Variants in NPEPPS observed in about 807,000 individuals in gnomAD.
The protein encoded by NPEPPS is puromycin-sensitive aminopeptidase.
In NPEPPS, 14 loss-of-function variants were observed where a neutral mutation model predicts 115.5. The observed-to-expected ratio is 0.12, with a 90% CI of 0.08 to 0.19. NPEPPS has a LOEUF of 0.19. Among genes scored for constraint, NPEPPS ranks in the 10% least tolerant of loss-of-function variants. The pLI, the probability that NPEPPS is intolerant of heterozygous loss-of-function variation, is 1.00. For synonymous variants in NPEPPS, 285 were observed against 390.6 expected, an observed-to-expected ratio of 0.73 and a Z score of 3.19; for missense variants, 523 against 1,110.8, an observed-to-expected ratio of 0.47 and a Z score of 7.52.
chr17:47,531,674 C>A (rs1443607700), intron 1 of NPEPPS, 119 bp downstream of exon 1: 3 of 1,237,294 alleles, frequency 2.4e-6, no homozygotes, highest in Non-Finnish European at 3.0e-6. Flanking sequence ...GCTGGGCGGC[C>A]GCAGGGCGCC....
intron 2 of NPEPPS, among the ~76,000 whole-genome samples, chr17:47,564,391 G>A (rs1415267969): frequency 2.6e-5 from 4 of 151,774 alleles, no homozygotes; most frequent in African/African-American, 9.7e-5. Flanking sequence ...AAAGAATTAG[G>A]TAATGATATG....
chr17:47,586,560 C>T (rs898403), intron 8 of NPEPPS, 162 bp downstream of exon 8: 31 of 648,328 alleles, frequency 4.8e-5, no homozygotes, highest in Non-Finnish European at 7.5e-5. Flanking sequence ...GATGGACACC[C>T]CTCCCTTTGG....
At chr17:47,614,568 C>T (rs1345895698) in intron 19 of NPEPPS, among the ~76,000 whole-genome samples, 1 of 152,188 alleles carries the variant, frequency 6.6e-6, no homozygotes, top group Non-Finnish European at 1.5e-5. Context: ...TAAGCTCTGA[C>T]TTAGACAAAA....
At chr17:47,590,674 A>G in intron 9 of NPEPPS, 43 bp from the exon 10 acceptor site, 4 of 1,581,976 alleles carry the variant, frequency 2.5e-6, no homozygotes, top group Non-Finnish European at 3.4e-6. Context: ...GTAGAATGAC[A>G]ATCATTTCAT....
At chr17:47,541,333 C>A (rs910751438) in intron 1 of NPEPPS, among the ~76,000 whole-genome samples, 12 of 151,948 alleles carry the variant, frequency 7.9e-5, no homozygotes, top group East Asian at 5.8e-4. Flanking sequence ...TCATTTCACC[C>A]ATTGGAGCAT....
At chr17:47,555,578 C>CA (rs1203638697) in intron 2 of NPEPPS, among the ~76,000 whole-genome samples, 1 of 150,732 alleles carries the variant, frequency 6.6e-6, no homozygotes, top group Non-Finnish European at 1.5e-5. Flanking sequence ...AACCTCCGAC[C>CA]ACAGGTGATC....
chr17:47,561,346 CAAAAAAAAAAAAAAA>C (rs71365075), intron 2 of NPEPPS, among the ~76,000 whole-genome samples: 1 of 60,780 alleles, frequency 1.6e-5, no homozygotes, highest in East Asian at 4.7e-4. Context: ...GACCCTGTCT[CAAAAAAAAAAAAAAA>C]AAAAAAAAGA....
chr17:47,613,606 T>C, intron 18 of NPEPPS, 63 bp from the exon 19 acceptor site: 1 of 1,294,780 alleles, frequency 7.7e-7, no homozygotes, highest in Non-Finnish European at 1.1e-6. Flanking sequence ...TGTCTTTTCT[T>C]AGTATTAGAA....
At chr17:47,591,603 A>G (rs571532518) in intron 10 of NPEPPS, 1 of 171,538 alleles carries the variant, frequency 5.8e-6, no homozygotes, top group South Asian at 1.7e-4. Context: ...AGGCTCCCAT[A>G]TAATTGTAAT....
chr17:47,619,868 T>C (rs1181029745), intron 22 of NPEPPS, 84 bp downstream of exon 22: 14 of 1,048,652 alleles, frequency 1.3e-5, no homozygotes, highest in Admixed American at 3.5e-5. Context: ...GTTGGGATAA[T>C]GTACTGTAGC....
chr17:47,616,806 C>T (rs1914234686), intron 19 of NPEPPS, among the ~76,000 whole-genome samples: 1 of 147,248 alleles, frequency 6.8e-6, no homozygotes, highest in Non-Finnish European at 1.5e-5. Context: ...AAAAAGAGAC[C>T]AGCCTGGTCA....
chr17:47,575,582 T>TTA (rs1466898163), intron 3 of NPEPPS, among the ~76,000 whole-genome samples: 24 of 103,646 alleles, frequency 2.3e-4, no homozygotes, highest in African/African-American at 9.6e-4. Context: ...CAATATTGAA[T>TTA]TATTATTATT....
intron 19 of NPEPPS, among the ~76,000 whole-genome samples, chr17:47,615,208 G>A (rs1392079871): frequency 6.6e-6 from 1 of 151,184 alleles, no homozygotes; most frequent in Non-Finnish European, 1.5e-5. Flanking sequence ...CTCCCAAGTA[G>A]CTGGGACTAC....
chr17:47,622,944 T>C lies in NPEPPS; in HGVS notation c.*1024T>C, dbSNP rs1233170546. 4.4e-6 allele frequency: 2 copies of C among 455,916 alleles called. No homozygotes were observed. Among genetic ancestry groups the C allele is most frequent in the Non-Finnish European group, 8.8e-6 (2 of 226,802 alleles). 28.2% of individuals were successfully genotyped at this position (455,916 alleles called of 1,614,324 possible). ...CAGTGGTAACTGCTGCAGGGCTTAATACATTAGTGGTAACTGGTTTAAAAA... is the reference window on the plus strand; with the variant it reads ...CAGTGGTAACTGCTGCAGGGCTTAACACATTAGTGGTAACTGGTTTAAAAA... On this transcript the variant is annotated 3_prime_UTR_variant, in exon 23 of 23. Transcript: ENST00000322157.
intron 9 of NPEPPS, 76 bp from the exon 10 acceptor site, chr17:47,590,641 G>C: frequency 1.4e-6 from 2 of 1,479,428 alleles, no homozygotes. Context: ...ATAGTGGAAG[G>C]GACATGTGAG....
At chr17:47,604,575 G>A (rs1403270292) in intron 16 of NPEPPS, among the ~76,000 whole-genome samples, 1 of 152,180 alleles carries the variant, frequency 6.6e-6, no homozygotes, top group African/African-American at 2.4e-5. Flanking sequence ...ATTTCCAGAT[G>A]TCTTTATGAT....
chr17:47,611,647 GT>G (rs1913884195), intron 17 of NPEPPS, among the ~76,000 whole-genome samples: 1 of 152,022 alleles, frequency 6.6e-6, no homozygotes, highest in African/African-American at 2.4e-5. Context: ...TAATTATTAA[GT>G]TTTTTGTAGA....
chr17:47,529,602 A>T (rs1048140294), upstream of NPEPPS, among the ~76,000 whole-genome samples: 12 of 139,470 alleles, frequency 8.6e-5, no homozygotes, highest in African/African-American at 2.3e-4. Context: ...ATAGGGTTTC[A>T]CCATATTGGC....
At chr17:47,529,737 T>A (rs201105590), upstream of NPEPPS, among the ~76,000 whole-genome samples, 3,585 of 25,670 alleles carry the variant, frequency 0.14, 956 homozygotes, top group Middle Eastern at 0.26. Flanking sequence ...TTCAGTTACA[T>A]TATATATATA....
Sources: allele counts gnomAD v4.1 joint callset (sites outside exome capture counted in the v4.1 genomes callset), GRCh38; gene constraint gnomAD v4.1.1; transcripts MANE v1.5; gene names NCBI Gene and HGNC (gene_info 2026-07-23, HGNC 2026-07-21).